BRF1: variants seen among roughly 807,000 people sequenced by gnomAD.
The protein encoded by BRF1 is BRF1 general transcription factor IIIB subunit, also known as transcription factor IIIB 90 kDa subunit.
Under a neutral mutation model 81.7 loss-of-function variants are expected in BRF1, and 59 were observed. The ratio of observed to expected loss-of-function variants is 0.72; its 90% CI spans 0.59 to 0.90. BRF1 has a LOEUF of 0.90. BRF1 is among the 40% of genes least tolerant of loss of function. The probability of loss-of-function intolerance (pLI) is 0.00; values close to 1 mark genes in which losing one functional copy is unlikely to be tolerated. For missense variants in BRF1, 1,050 were observed against 936.3 expected, an observed-to-expected ratio of 1.12 and a Z score of -1.58; for synonymous variants, 491 against 395.6, an observed-to-expected ratio of 1.24 and a Z score of -2.86.
In BRF1 at chr14:105,210,288, G is replaced by A. The variant is rs1163368387; in HGVS notation, c.*263C>T. 1.4e-5 allele frequency: 7 copies of A among 508,324 alleles called. No individual in the cohort carries two copies. The highest frequency in any genetic ancestry group is 1.3e-4 in the Admixed American group (4 of 29,970). 31.5% of individuals were successfully genotyped at this position (508,324 alleles called of 1,614,324 possible). On this transcript the variant is annotated 3_prime_UTR_variant, in exon 18 of 18. Transcript: ENST00000547530. This position sits in a 1 kb window ranked among gnomAD's most constrained non-coding sequence, Gnocchi z 4.7. ...TTGGAGGGTCCTTGGATGAGTCGAC[G>A]GCAGGCAGCGGGACCCAGCCCTGCA... is the stretch of plus-strand genomic sequence containing the variant.
At chr14:105,245,045 C>T (rs1466725983) in intron 5 of BRF1, among the ~76,000 whole-genome samples, 1 of 152,064 alleles carries the variant, frequency 6.6e-6, no homozygotes, top group Non-Finnish European at 1.5e-5. Flanking sequence ...ACTTTATTAA[C>T]TCAAGCGCTT....
intron 5 of BRF1, chr14:105,249,525 G>A (rs774825295): frequency 5.0e-6 from 8 of 1,604,396 alleles, no homozygotes; most frequent in African/African-American, 1.3e-5. Flanking sequence ...GTTTTAGGCG[G>A]CCTCCGGAGG....
At chr14:105,226,795 T>G (rs770232115) in intron 7 of BRF1, 35 bp from the exon 8 acceptor site, 1 of 1,612,394 alleles carries the variant, frequency 6.2e-7, no homozygotes, top group Non-Finnish European at 8.5e-7. Context: ...ATGGAGCTGG[T>G]GGCTCTGAAA....
chr14:105,286,256 G>A, intron 2 of BRF1, 40 bp downstream of exon 2: 5 of 1,580,476 alleles, frequency 3.2e-6, no homozygotes, highest in Non-Finnish European at 3.4e-6. Context: ...CCATCTCTGG[G>A]ACCCGCCGCA....
chr14:105,243,210 G>A (rs972741985), intron 5 of BRF1, among the ~76,000 whole-genome samples: 1 of 151,284 alleles, frequency 6.6e-6, no homozygotes, highest in African/African-American at 2.4e-5. Flanking sequence ...GGAGGCCAAG[G>A]CAGGTGGATT....
At chr14:105,250,828 C>T (rs2055564127) in intron 5 of BRF1, 1 of 789,992 alleles carries the variant, frequency 1.3e-6, no homozygotes, top group East Asian at 2.7e-5. Flanking sequence ...TTCCACACAG[C>T]CAGAACCCAG....
Position 105,283,725 on chromosome 14 carries a change from C to T in BRF1, c.265+2571G>A, listed in dbSNP as rs587750528. Among the ~76,000 whole-genome samples, 9 of 152,306 alleles carry T rather than the reference C, an allele frequency of 5.9e-5. No individual in the cohort carries two copies. The South Asian group carries it at 1.5e-3, about 25-fold the overall frequency. ...TTGCAATTTGTATAGGTCTGAGGCA[C>T]GACCAACTCTAGTAAAGATACCGCG... On this transcript the variant is annotated intron_variant, in intron 2 of 17. Coordinates refer to ENST00000547530, the MANE Select transcript of BRF1 (RefSeq NM_001519.4).
chr14:105,227,804 C>T lies in BRF1; in HGVS notation c.788+1016G>A, dbSNP rs1416603511. 2.6e-5 allele frequency: 4 copies of T among 152,210 alleles called. No individual in the cohort carries two copies. The East Asian group carries it at 7.7e-4, about 29-fold the overall frequency. The allele number at this position is 152,210 out of a possible 1,614,324, so 9.4% of individuals were successfully genotyped here. A position where few individuals can be genotyped will look rare whatever the true frequency, so the allele number is the denominator to read the frequency against. On this transcript the variant is annotated intron_variant, in intron 7 of 17. Coordinates refer to ENST00000547530, the MANE Select transcript of BRF1 (RefSeq NM_001519.4). ...TCATCAAAGATTTTTTTTACAGAAT[C>T]AATGGTCAGATGTTTAAAGTGAAAT...
intron 4 of BRF1, chr14:105,256,285 T>C (rs1283908045): frequency 9.1e-6 from 14 of 1,546,270 alleles, no homozygotes; most frequent in East Asian, 4.9e-5. Flanking sequence ...GTGCCCAGCA[T>C]TGGCAGGTGC....
At chr14:105,279,437 A>G (rs1269943974) in intron 2 of BRF1, among the ~76,000 whole-genome samples, 1 of 152,246 alleles carries the variant, frequency 6.6e-6, no homozygotes, top group Admixed American at 6.5e-5. Context: ...CCCAACAGCC[A>G]AGAAGCATGA....
intron 1 of BRF1, among the ~76,000 whole-genome samples, chr14:105,314,115 C>G (rs894007582): frequency 1.6e-4 from 24 of 152,320 alleles, no homozygotes; most frequent in South Asian, 2.1e-4. Context: ...GCTTCGAGTC[C>G]CCGCGACCGC....
At chr14:105,248,888 C>A in intron 5 of BRF1, 1 of 988,188 alleles carries the variant, frequency 1.0e-6, no homozygotes, top group Non-Finnish European at 1.2e-6. Context: ...CGGAACTCTA[C>A]GCTCCCGCCA....
chr14:105,305,126 C>T (rs1248705645), upstream of BRF1, among the ~76,000 whole-genome samples: 4 of 152,236 alleles, frequency 2.6e-5, no homozygotes, highest in African/African-American at 9.6e-5. Context: ...GCTGGCTGGG[C>T]ACAGTGGCTC....
At chr14:105,310,069 C>A (rs587687901) in intron 1 of BRF1, among the ~76,000 whole-genome samples, 1 of 151,648 alleles carries the variant, frequency 6.6e-6, no homozygotes, top group South Asian at 2.1e-4. Context: ...CAGGTATGAG[C>A]CACCGCACCC....
intron 1 of BRF1, chr14:105,314,581 T>A (rs1463720195): frequency 6.9e-6 from 1 of 144,024 alleles, no homozygotes. Flanking sequence ...GCACCTCACT[T>A]CCGGCGCGCG....
intron 2 of BRF1, among the ~76,000 whole-genome samples, chr14:105,281,545 C>T (rs2057104333): frequency 6.6e-6 from 1 of 152,038 alleles, no homozygotes; most frequent in Non-Finnish European, 1.5e-5. Context: ...CTGCGTGATC[C>T]TGAGCCCGGG....
At chr14:105,229,081 A>T in intron 6 of BRF1, among the ~76,000 whole-genome samples, 168 bp from the exon 7 acceptor site, 1 of 152,182 alleles carries the variant, frequency 6.6e-6, no homozygotes, top group African/African-American at 2.4e-5. Context: ...CCTGAACGAC[A>T]TGACCCTCTC....
chr14:105,310,030 C>T (rs1052059422), intron 1 of BRF1, among the ~76,000 whole-genome samples: 19 of 151,624 alleles, frequency 1.3e-4, no homozygotes, highest in Non-Finnish European at 2.8e-4. Flanking sequence ...GAGATCCACC[C>T]GCCTCGGCCT....
chr14:105,247,146 C>T (rs1228079427), intron 5 of BRF1: 10 of 985,382 alleles, frequency 1.0e-5, no homozygotes, highest in Non-Finnish European at 1.2e-5. Flanking sequence ...AGTGGGGTCC[C>T]ACACTATGAA....
Sources: allele counts gnomAD v4.1 joint callset (sites outside exome capture counted in the v4.1 genomes callset), GRCh38; gene constraint gnomAD v4.1.1; non-coding constraint Gnocchi (gnomAD v3.1); transcripts MANE v1.5; gene names NCBI Gene and HGNC (gene_info 2026-07-23, HGNC 2026-07-21).